The following SCAF8 variants were observed in gnomAD, a reference collection of about 807,000 sequenced individuals.
SCAF8 encodes SR-related and CTD-associated factor 8.
A neutral mutation model predicts 140.5 loss-of-function variants in SCAF8; 23 were observed. That is an observed-to-expected ratio of 0.16 (90% CI 0.12 to 0.23). The LOEUF (loss-of-function observed/expected upper bound fraction) is 0.23. Ranked by LOEUF, SCAF8 falls within the 10% of genes least tolerant of loss-of-function variation. The probability of loss-of-function intolerance (pLI) is 1.00; values close to 1 mark genes in which losing one functional copy is unlikely to be tolerated. For synonymous variants in SCAF8, 575 were observed against 528.9 expected, an observed-to-expected ratio of 1.09 and a Z score of -1.20; for missense variants, 1,397 against 1,555.7, an observed-to-expected ratio of 0.90 and a Z score of 1.72.
chr6:154,819,970 CTGAG>C (rs552158674), intron 14 of SCAF8, among the ~76,000 whole-genome samples: 156 of 152,282 alleles, frequency 1.0e-3, no homozygotes, highest in Middle Eastern at 6.8e-3. Flanking sequence ...GCCTGGGTGA[CTGAG>C]TGAGACCCTG....
chr6:154,741,572 A>T (rs1778568609), intron 1 of SCAF8, among the ~76,000 whole-genome samples: 1 of 152,006 alleles, frequency 6.6e-6, no homozygotes, highest in Non-Finnish European at 1.5e-5. Context: ...ACACCCGGCT[A>T]ATTTTTGTAA....
chr6:154,794,886 T>C (rs1777553423), intron 5 of SCAF8, 123 bp from the exon 6 acceptor site: 1 of 780,902 alleles, frequency 1.3e-6, no homozygotes, highest in Non-Finnish European at 1.9e-6. Context: ...GTGGACACAA[T>C]AAAATAAAAA....
rs1013205681 is a variant in SCAF8 at position 154,834,133 on chromosome 6, T to C, written c.*738T>C. The C allele has an allele frequency of 7.9e-5, 12 of 152,220 alleles. No individual in the cohort carries two copies. Among genetic ancestry groups the C allele is most frequent in the African/African-American group, 2.7e-4 (11 of 41,468 alleles). 9.4% of individuals were successfully genotyped at this position (152,220 alleles called of 1,614,324 possible). A position where few individuals can be genotyped will look rare whatever the true frequency, so the allele number is the denominator to read the frequency against. On this transcript the variant is annotated 3_prime_UTR_variant, in exon 20 of 20. Coordinates refer to ENST00000367178, the MANE Select transcript of SCAF8 (RefSeq NM_014892.5). ...TTGAATTATTATTAGCATGTGCTTA[T>C]TTTTTGCAAAAGCTTTCTATCATAA...
intron 4 of SCAF8, 85 bp downstream of exon 4, chr6:154,788,107 TACA>T (rs753406197): frequency 1.4e-4 from 164 of 1,132,398 alleles, no homozygotes; most frequent in Non-Finnish European, 2.0e-4. Context: ...ATTATCTTAG[TACA>T]GTCATGTGCC....
chr6:154,785,928 A>G (rs1172013400), intron 3 of SCAF8, among the ~76,000 whole-genome samples: 1 of 152,254 alleles, frequency 6.6e-6, no homozygotes, highest in Non-Finnish European at 1.5e-5. Flanking sequence ...TGGTATATCT[A>G]TAAAAACTTA....
Position 154,833,326 on chromosome 6 carries a change from G to C in SCAF8, c.3747G>C (p.Glu1249Asp), listed in dbSNP as rs1439444352. ...KLTSSNEINKEKSDTVADIES... is the reference protein window; with the variant it reads ...KLTSSNEINKDKSDTVADIES... ...CATCTTCAAATGAAATAAACAAGGA[G>C]AAGAGTGACACAGTTGCTGATATAG... The change falls in exon 20 of 20, where the codon GAG becomes GAC. Residue 1249 changes from glutamate to aspartate, a missense_variant. Physicochemically the swap from Glu to Asp is conservative, Grantham distance 45 (BLOSUM62 2). This residue lies in a region of SCAF8 where 930 missense variants were observed against 874.6 expected (regional missense o/e 1.06). Transcript: ENST00000367178. The C allele has an allele frequency of 6.2e-7, 1 of 1,613,954 alleles. No individual in the cohort carries two copies.
chr6:154,821,501 C>T (rs1778422176), intron 15 of SCAF8, among the ~76,000 whole-genome samples: 1 of 151,910 alleles, frequency 6.6e-6, no homozygotes, highest in African/African-American at 2.4e-5. Flanking sequence ...CTATATAGTA[C>T]TTTAGTGTCA....
intron 1 of SCAF8, among the ~76,000 whole-genome samples, chr6:154,751,304 C>T (rs796673150): frequency 5.7e-4 from 87 of 152,054 alleles, no homozygotes; most frequent in African/African-American, 2.0e-3. Context: ...TCTCCGCTCA[C>T]TGCAACCTCC....
Position 154,833,593 on chromosome 6 carries a change from C to A in SCAF8, c.*198C>A. ...TCTTAATATGAACATGGTAGGTAAA[C>A]TTTTTTTTTATTTTTTTCTGATAAA... is the stretch of plus-strand genomic sequence containing the variant. On this transcript the variant is annotated 3_prime_UTR_variant, in exon 20 of 20. Transcript: ENST00000367178. 2.3e-6 allele frequency: 1 copy of A among 441,628 alleles called. No homozygotes were observed. Among genetic ancestry groups the A allele is most frequent in the Non-Finnish European group, 3.9e-6 (1 of 259,372 alleles). The allele number at this position is 441,628 out of a possible 1,614,324, so 27.4% of individuals were successfully genotyped here.
At chr6:154,770,369 TACACACACACACACAC>T (rs1226898910) in intron 1 of SCAF8, among the ~76,000 whole-genome samples, 1 of 146,372 alleles carries the variant, frequency 6.8e-6, no homozygotes, top group Non-Finnish European at 1.5e-5. Flanking sequence ...GAGGTTGAGG[TACACACACACACACAC>T]ACACTCTCTC....
Position 154,733,874 on chromosome 6 carries a change from C to T in SCAF8, c.-27C>T, listed in dbSNP as rs376012498. 4 of 1,544,612 alleles carry T rather than the reference C, an allele frequency of 2.6e-6. No individual in the cohort carries two copies. Among genetic ancestry groups the T allele is most frequent in the Middle Eastern group, 1.7e-4 (1 of 5,790 alleles). On this transcript the variant is annotated 5_prime_UTR_variant, in exon 1 of 20. Transcript: ENST00000367178. ...CAGTGGCCGCCGCCTCTTCCGCCGCCGGGCTCGGGGCCTCCGCAGCGACAA... is the reference window on the plus strand; with the variant it reads ...CAGTGGCCGCCGCCTCTTCCGCCGCTGGGCTCGGGGCCTCCGCAGCGACAA...
chr6:154,803,032 G>T (rs190057105), intron 7 of SCAF8, among the ~76,000 whole-genome samples: 2 of 152,176 alleles, frequency 1.3e-5, no homozygotes, highest in East Asian at 1.9e-4. Context: ...TTTAAAATTT[G>T]TACTTTTTAT....
chr6:154,818,248 T>A (rs1284527537), intron 13 of SCAF8, among the ~76,000 whole-genome samples: 1 of 152,074 alleles, frequency 6.6e-6, no homozygotes, highest in African/African-American at 2.4e-5. Context: ...TTATCGTGGC[T>A]TATGATACCT....
chr6:154,773,353 A>G (rs1438739975), intron 1 of SCAF8, among the ~76,000 whole-genome samples: 1 of 152,134 alleles, frequency 6.6e-6, no homozygotes, highest in African/African-American at 2.4e-5. Context: ...TAATGTTTTC[A>G]AGGTTCATTC....
rs767102143 is a variant in SCAF8 at position 154,822,239 on chromosome 6, C to T, written c.1793-37C>T. ...CAAAGAAGAAAATGAAAAGTTGCAC[C>T]TATCCAAAGGAAATCAATTTCAACT... is the stretch of plus-strand genomic sequence containing the variant. On this transcript the variant is annotated intron_variant, in intron 15 of 19. Coordinates refer to ENST00000367178, the MANE Select transcript of SCAF8 (RefSeq NM_014892.5). 2.5e-6 allele frequency: 4 copies of T among 1,571,292 alleles called. No individual in the cohort carries two copies. The South Asian group carries it at 4.8e-5, about 19-fold the overall frequency.
At position 154,773,978 on chromosome 6, in the gene SCAF8, T is replaced by G. The variant is rs1776848057; in HGVS notation, c.31-11T>G. 4 of 1,590,668 alleles carry G rather than the reference T, an allele frequency of 2.5e-6. No individual in the cohort carries two copies. The highest frequency in any genetic ancestry group is 3.4e-6 in the Non-Finnish European group (4 of 1,163,404). On this transcript the variant is annotated splice_polypyrimidine_tract_variant and intron_variant, in intron 1 of 19. Transcript: ENST00000367178. ...GTTTTGCTGTATGTAAATTTGTTCT[T>G]TTTTCATCAGTTGTATTCCCTGAAT...
chr6:154,771,535 C>T (rs1404010298), intron 1 of SCAF8, among the ~76,000 whole-genome samples: 3 of 152,106 alleles, frequency 2.0e-5, no homozygotes, highest in Non-Finnish European at 2.9e-5. Flanking sequence ...AGTGGGAAGG[C>T]ATCGACCATT....
chr6:154,829,265 T>C (rs1186478268), intron 18 of SCAF8, among the ~76,000 whole-genome samples: 1 of 151,876 alleles, frequency 6.6e-6, no homozygotes, highest in Non-Finnish European at 1.5e-5. Flanking sequence ...TTATGGGATA[T>C]GCACTCTAGC....
At chr6:154,755,757 A>C (rs1252253711) in intron 1 of SCAF8, among the ~76,000 whole-genome samples, 1 of 152,326 alleles carries the variant, frequency 6.6e-6, no homozygotes, top group East Asian at 1.9e-4. Context: ...GATTTACTGT[A>C]TGCAAAGCTG....
Sources: gnomAD v4.1 joint callset for allele counts (sites outside exome capture counted in the v4.1 genomes callset) on GRCh38, gnomAD v4.1.1 for gene constraint, gnomAD v4.1.1 regional missense constraint, MANE v1.5 for transcripts, NCBI Gene and HGNC (gene_info 2026-07-23, HGNC 2026-07-21) for gene names.